The following UBE2K variants were observed in gnomAD, a reference collection of about 807,000 sequenced individuals.
UBE2K encodes ubiquitin conjugating enzyme E2 K.
A neutral mutation model predicts 30.0 loss-of-function variants in UBE2K; 6 were observed. The observed-to-expected ratio is 0.20, with a 90% CI of 0.11 to 0.39. The LOEUF is 0.39. Ranked by LOEUF, UBE2K falls within the 10% of genes least tolerant of loss-of-function variation. The pLI, the probability that UBE2K is intolerant of heterozygous loss-of-function variation, is 1.00. For synonymous variants in UBE2K, 86 were observed against 83.7 expected (o/e 1.03, Z -0.15); for missense variants, 61 against 241.6 (o/e 0.25, Z 4.96).
intron 3 of UBE2K, among the ~76,000 whole-genome samples, chr4:39,750,285 A>G (rs1428477983): frequency 6.6e-6 from 1 of 152,230 alleles, no homozygotes; most frequent in Non-Finnish European, 1.5e-5. Context: ...ATGAACTCAC[A>G]TCTACAATGA....
chr4:39,710,776 C>G (rs1718624713), intron 1 of UBE2K, among the ~76,000 whole-genome samples: 1 of 152,064 alleles, frequency 6.6e-6, no homozygotes, highest in Non-Finnish European at 1.5e-5. Context: ...TGCTTGCTCC[C>G]TACATTTTTG....
intron 1 of UBE2K, among the ~76,000 whole-genome samples, chr4:39,702,231 C>CTTTT (rs564712672): frequency 6.7e-4 from 45 of 67,324 alleles, no homozygotes; most frequent in Non-Finnish European, 8.8e-4. Flanking sequence ...CTTTTCTTTT[C>CTTTT]TTTTTTTTTT....
intron 1 of UBE2K, among the ~76,000 whole-genome samples, chr4:39,712,166 C>G (rs1274901534): frequency 2.7e-5 from 4 of 148,884 alleles, no homozygotes; most frequent in Non-Finnish European, 5.9e-5. Context: ...ACTCTGTTGC[C>G]CAGGCTGGAG....
chr4:39,765,557 C>T (rs1028238769), intron 4 of UBE2K, among the ~76,000 whole-genome samples: 1 of 152,032 alleles, frequency 6.6e-6, no homozygotes, highest in Non-Finnish European at 1.5e-5. Flanking sequence ...CAGTGGCTCA[C>T]GCGTATAATC....
At chr4:39,701,949 C>T (rs933899418) in intron 1 of UBE2K, among the ~76,000 whole-genome samples, 18 of 151,490 alleles carry the variant, frequency 1.2e-4, no homozygotes, top group Admixed American at 3.3e-4. Context: ...TTAGTAGAGA[C>T]GACGTTTCAC....
chr4:39,729,963 C>G (rs949160751), intron 1 of UBE2K, among the ~76,000 whole-genome samples: 3 of 152,192 alleles, frequency 2.0e-5, no homozygotes, highest in African/African-American at 7.2e-5. Context: ...TCATAGTATC[C>G]TGTACTTCAT....
intron 3 of UBE2K, among the ~76,000 whole-genome samples, chr4:39,750,081 C>T (rs907475681): frequency 3.3e-5 from 5 of 152,024 alleles, no homozygotes; most frequent in African/African-American, 9.7e-5. Context: ...GTAATCCCAG[C>T]TACTCAGAAG....
In UBE2K at chr4:39,698,199, T is replaced by C. The variant is rs1057047; in HGVS notation, c.-129T>C. The C allele has an allele frequency of 1.1e-6, 1 of 884,624 alleles. No homozygotes were observed. Among genetic ancestry groups the C allele is most frequent in the Admixed American group, 2.0e-5 (1 of 49,830 alleles). The allele number at this position is 884,624 out of a possible 1,614,324, so 54.8% of individuals were successfully genotyped here. On this transcript the variant is annotated 5_prime_UTR_variant, in exon 1 of 7. Coordinates refer to ENST00000261427, the MANE Select transcript of UBE2K (RefSeq NM_005339.5). ...GAGGCGAGCGCGGCGGCCGGGGTGG[T>C]AGTGGCAGTGTTCGTGTGCTCAGGT...
At chr4:39,709,818 ACT>A (rs1718573056) in intron 1 of UBE2K, among the ~76,000 whole-genome samples, 1 of 151,902 alleles carries the variant, frequency 6.6e-6, no homozygotes, top group African/African-American at 2.4e-5. Flanking sequence ...CATTTGGGAA[ACT>A]CTCAAATGAT....
rs543921550 is a variant in UBE2K, at chr4:39,739,184, T to A, written c.157+1671T>A. Among the ~76,000 whole-genome samples the A allele has an allele frequency of 2.6e-5, 4 of 151,860 alleles. No homozygotes were observed. In the East Asian group the frequency reaches 5.8e-4, roughly 22 times the overall value. On this transcript the variant is annotated intron_variant, in intron 2 of 6. Coordinates refer to ENST00000261427, the MANE Select transcript of UBE2K (RefSeq NM_005339.5). ...CTGGGACTACGGGCACCCGCCACCATGCCCGGCTAATTTTTTTTGTATTTT... is the reference window on the plus strand; with the variant it reads ...CTGGGACTACGGGCACCCGCCACCAAGCCCGGCTAATTTTTTTTGTATTTT...
chr4:39,732,439 T>G (rs1486576284), intron 1 of UBE2K, among the ~76,000 whole-genome samples: 2 of 152,348 alleles, frequency 1.3e-5, no homozygotes, highest in South Asian at 4.1e-4. Flanking sequence ...CTAGTCATTA[T>G]TTGAAAGAAT....
rs1361573876 is a variant in UBE2K at position 39,779,878 on chromosome 4, CTTAAA to C, written c.*1448_*1452del. On this transcript the variant is annotated 3_prime_UTR_variant, in exon 7 of 7. Coordinates refer to ENST00000261427, the MANE Select transcript of UBE2K (RefSeq NM_005339.5). ...TTTGCTTTCTTTAAGTGTTATTTAT[CTTAAA>C]TTATAATCGTTAAATGTTTGGAAGA... 1 of 152,056 alleles carries C rather than the reference CTTAAA, an allele frequency of 6.6e-6. No homozygotes were observed. Among genetic ancestry groups the C allele is most frequent in the Admixed American group, 6.6e-5 (1 of 15,262 alleles). The allele number at this position is 152,056 out of a possible 1,614,324, so 9.4% of individuals were successfully genotyped here.
chr4:39,710,309 C>A (rs915161442), intron 1 of UBE2K: 1 of 151,916 alleles, frequency 6.6e-6, no homozygotes, highest in Non-Finnish European at 1.5e-5. Context: ...TGCTCTGTTG[C>A]CCAGGCTGGA....
intron 2 of UBE2K, among the ~76,000 whole-genome samples, chr4:39,741,270 C>CA (rs760055110): frequency 6.7e-4 from 95 of 141,670 alleles, no homozygotes; most frequent in South Asian, 2.9e-3. Context: ...GACTGCATCT[C>CA]AAAAAAAAAA....
At position 39,755,643 on chromosome 4, in the gene UBE2K, G is replaced by A; in HGVS notation, c.217-14G>A. On this transcript the variant is annotated splice_polypyrimidine_tract_variant and intron_variant, in intron 3 of 6. Transcript: ENST00000261427. ...TTCTGTTACTGAAAAACTCAAGTGTGCTTTATATTCTAGGTCCGGTTTATC... is the reference window on the plus strand; with the variant it reads ...TTCTGTTACTGAAAAACTCAAGTGTACTTTATATTCTAGGTCCGGTTTATC... 6.3e-7 allele frequency: 1 copy of A among 1,588,084 alleles called. No individual in the cohort carries two copies. The highest frequency in any genetic ancestry group is 8.6e-7 in the Non-Finnish European group (1 of 1,162,260).
Position 39,770,404 on chromosome 4 carries a change from G to A in UBE2K, c.300-4430G>A, listed in dbSNP as rs574203169. On this transcript the variant is annotated intron_variant, in intron 4 of 6. Transcript: ENST00000261427. ...CACATGAAGATGAAGTGCTGCTGCC[G>A]CATGTGGAAGACCAGCTTCTCCACG... 3.0e-5 allele frequency: 49 copies of A among 1,612,958 alleles called. No individual in the cohort carries two copies. The East Asian group carries it at 9.1e-4, about 30-fold the overall frequency.
At chr4:39,719,621 G>GTA (rs1234238807) in intron 1 of UBE2K, among the ~76,000 whole-genome samples, 2 of 152,142 alleles carry the variant, frequency 1.3e-5, no homozygotes, top group Non-Finnish European at 2.9e-5. Context: ...GCTAGTCTAT[G>GTA]TACTCTTTTC....
At chr4:39,736,166 A>C (rs567429476) in intron 1 of UBE2K, among the ~76,000 whole-genome samples, 1 of 152,256 alleles carries the variant, frequency 6.6e-6, no homozygotes, top group African/African-American at 2.4e-5. Flanking sequence ...TCTAACCAAA[A>C]AAAATGAAGA....
chr4:39,722,151 C>T (rs1022388183), intron 1 of UBE2K, among the ~76,000 whole-genome samples: 18 of 152,138 alleles, frequency 1.2e-4, no homozygotes, highest in African/African-American at 3.4e-4. Context: ...ATCTACGTAA[C>T]GTTCACAGAT....
Sources: gnomAD v4.1 joint callset for allele counts (sites outside exome capture counted in the v4.1 genomes callset) on GRCh38, gnomAD v4.1.1 for gene constraint, MANE v1.5 for transcripts, NCBI Gene and HGNC (gene_info 2026-07-23, HGNC 2026-07-21) for gene names.